Variants in KAZN observed in about 807,000 individuals in gnomAD.
KAZN encodes the protein kazrin.
In KAZN, 40 loss-of-function variants were observed where a neutral mutation model predicts 87.4. The observed-to-expected ratio is 0.46, with a 90% confidence interval of 0.36 to 0.60. KAZN has a LOEUF of 0.60. Ranked by LOEUF, KAZN falls within the 20% of genes least tolerant of loss-of-function variation. The pLI, the probability that KAZN is intolerant of heterozygous loss-of-function variation, is 0.00. For missense variants in KAZN, 898 were observed against 1,073.9 expected (o/e 0.84, Z 2.29); for synonymous variants, 466 against 458.3 (o/e 1.02, Z -0.22).
intron 2 of KAZN, among the ~76,000 whole-genome samples, chr1:14,462,141 T>C (rs1436575118): frequency 1.3e-5 from 2 of 151,464 alleles, no homozygotes; most frequent in African/African-American, 4.8e-5. Flanking sequence ...TTGAATGTTG[T>C]TCTCCCACAG....
intron 2 of KAZN, among the ~76,000 whole-genome samples, chr1:14,398,931 T>G (rs1663135946): frequency 6.6e-6 from 1 of 152,152 alleles, no homozygotes. Flanking sequence ...CTGGAAGTGT[T>G]GGGGCTGCCT....
chr1:14,617,709 A>G (rs1479800989), intron 1 of KAZN, among the ~76,000 whole-genome samples: 1 of 152,248 alleles, frequency 6.6e-6, no homozygotes, highest in African/African-American at 2.4e-5. Flanking sequence ...AGAGTGTCCC[A>G]TGGAAGACCT....
intron 1 of KAZN, among the ~76,000 whole-genome samples, chr1:13,963,958 G>A (rs1047837827): frequency 2.6e-5 from 4 of 152,128 alleles, no homozygotes; most frequent in African/African-American, 9.7e-5. Flanking sequence ...TCAGTAAAAC[G>A]GGATAAGAGT....
At chr1:14,551,220 T>A (rs1011160640) in intron 2 of KAZN, among the ~76,000 whole-genome samples, 3 of 152,108 alleles carry the variant, frequency 2.0e-5, no homozygotes, top group African/African-American at 7.2e-5. Flanking sequence ...CTGCACCGAC[T>A]CATATGGATA....
chr1:14,905,903 T>C (rs1343904883), intron 1 of KAZN, among the ~76,000 whole-genome samples: 1 of 147,904 alleles, frequency 6.8e-6, no homozygotes, highest in Non-Finnish European at 1.5e-5. Context: ...ACACGGTGGC[T>C]CATGCCTGTA....
chr1:14,136,861 G>A (rs1360603575), intron 1 of KAZN, among the ~76,000 whole-genome samples: 5 of 152,170 alleles, frequency 3.3e-5, no homozygotes, highest in Non-Finnish European at 5.9e-5. Flanking sequence ...GAGTGCATGG[G>A]GACTAGGACC....
chr1:14,240,137 T>C (rs1648809068), intron 2 of KAZN, among the ~76,000 whole-genome samples: 1 of 152,234 alleles, frequency 6.6e-6, no homozygotes, highest in Non-Finnish European at 1.5e-5. Flanking sequence ...GTTCAGAGCA[T>C]AGACTTTGAA....
intron 2 of KAZN, among the ~76,000 whole-genome samples, chr1:14,495,734 T>G (rs1454843544): frequency 6.6e-6 from 1 of 152,152 alleles, no homozygotes; most frequent in East Asian, 1.9e-4. Flanking sequence ...GGAACATGTA[T>G]CTCAGTGATC....
At chr1:14,453,065 T>C (rs1224244032) in intron 2 of KAZN, among the ~76,000 whole-genome samples, 2 of 152,080 alleles carry the variant, frequency 1.3e-5, no homozygotes, top group Non-Finnish European at 2.9e-5. Context: ...ATGCCATTCT[T>C]CTGCCTCAGC....
chr1:14,388,870 G>C (rs894560859), intron 2 of KAZN, among the ~76,000 whole-genome samples: 4 of 152,200 alleles, frequency 2.6e-5, no homozygotes, highest in Middle Eastern at 3.4e-3. Context: ...AAATTAAAAG[G>C]CTTCTGCATA....
chr1:14,003,208 T>A, intron 1 of KAZN, among the ~76,000 whole-genome samples: 1 of 149,882 alleles, frequency 6.7e-6, no homozygotes. Context: ...TGTTAGGGGG[T>A]CGGGGGCAAG....
intron 2 of KAZN, among the ~76,000 whole-genome samples, chr1:14,407,341 T>C (rs1663940118): frequency 6.6e-6 from 1 of 152,232 alleles, no homozygotes; most frequent in African/African-American, 2.4e-5. Flanking sequence ...GTGCTCAGTT[T>C]GTTGAATGAG....
At chr1:14,199,273 C>T (rs1264530089) in intron 2 of KAZN, among the ~76,000 whole-genome samples, 2 of 152,142 alleles carry the variant, frequency 1.3e-5, no homozygotes, top group Admixed American at 6.5e-5. Context: ...TACTCTCCCA[C>T]CCTCACCGCC....
At chr1:14,517,389 G>C (rs957440136) in intron 2 of KAZN, among the ~76,000 whole-genome samples, 3 of 152,092 alleles carry the variant, frequency 2.0e-5, no homozygotes, top group African/African-American at 7.2e-5. Flanking sequence ...AATGACATCA[G>C]AGCCCCTTGA....
intron 4 of KAZN, among the ~76,000 whole-genome samples, chr1:15,045,555 C>T (rs548411624): frequency 1.2e-4 from 18 of 152,324 alleles, no homozygotes; most frequent in East Asian, 3.9e-4. Context: ...GAACAGTCAG[C>T]GAGCACATCT....
At chr1:15,022,865 G>T (rs1670827060) in intron 2 of KAZN, among the ~76,000 whole-genome samples, 1 of 152,216 alleles carries the variant, frequency 6.6e-6, no homozygotes, top group African/African-American at 2.4e-5. Flanking sequence ...GATGGTCCTG[G>T]GTCCCTCAGC....
chr1:14,289,140 G>A (rs1653483121), intron 2 of KAZN, among the ~76,000 whole-genome samples: 1 of 152,222 alleles, frequency 6.6e-6, no homozygotes, highest in African/African-American at 2.4e-5. Context: ...ATGTGATGCT[G>A]AGAAGAATGT....
At position 13,929,838 on chromosome 1, in the gene KAZN, C is replaced by T. The variant is rs150721513; in HGVS notation, c.91+36082C>T. 5.1e-3 allele frequency among the ~76,000 whole-genome samples: 777 copies of T among 152,242 alleles called. 6 individuals carry two copies. Among genetic ancestry groups the T allele is most frequent in the African/African-American group, 0.018 (745 of 41,556 alleles). ...ACCAGACCTTGTGCTAAATGCTTTGCGTGGGCCATTTTCATTAAATCCTCG... is the reference window on the plus strand; with the variant it reads ...ACCAGACCTTGTGCTAAATGCTTTGTGTGGGCCATTTTCATTAAATCCTCG... On this transcript the variant is annotated intron_variant, in intron 1 of 16. Transcript: ENST00000636203.
chr1:15,033,817 C>G (rs1307503052), intron 2 of KAZN, among the ~76,000 whole-genome samples: 1 of 152,234 alleles, frequency 6.6e-6, no homozygotes, highest in African/African-American at 2.4e-5. Context: ...CAGCTCACTG[C>G]AACCTCTACC....
Sources: allele counts gnomAD v4.1 joint callset (sites outside exome capture counted in the v4.1 genomes callset), GRCh38; gene constraint gnomAD v4.1.1; transcripts MANE v1.5; gene names NCBI Gene and HGNC (gene_info 2026-07-23, HGNC 2026-07-21).